Variants in ZEB1 observed in about 807,000 individuals in gnomAD.
ZEB1 encodes the protein zinc finger E-box binding homeobox 1.
A neutral mutation model predicts 84.9 loss-of-function variants in ZEB1; 21 were observed. That is an observed-to-expected ratio of 0.25 (90% CI 0.18 to 0.36). The LOEUF is 0.36. Ranked by LOEUF, ZEB1 falls within the 10% of genes least tolerant of loss-of-function variation. The pLI is 1.00. For synonymous variants in ZEB1, 420 were observed against 471.1 expected (o/e 0.89, Z 1.41); for missense variants, 1,104 against 1,330.2 (o/e 0.83, Z 2.65).
chr10:31,398,023 G>C (rs549019306), intron 1 of ZEB1, among the ~76,000 whole-genome samples: 127 of 152,246 alleles, frequency 8.3e-4, no homozygotes, highest in African/African-American at 3.0e-3. Flanking sequence ...CTAAAGTCTG[G>C]ATTTGAAAGT....
At chr10:31,440,230 A>T (rs1175875621) in intron 1 of ZEB1, among the ~76,000 whole-genome samples, 3 of 152,250 alleles carry the variant, frequency 2.0e-5, no homozygotes, top group Non-Finnish European at 4.4e-5. Flanking sequence ...AGACTGAGAG[A>T]CCAGGAATTG....
intron 1 of ZEB1, among the ~76,000 whole-genome samples, chr10:31,327,106 T>TC (rs943512099): frequency 2.1e-5 from 3 of 142,960 alleles, no homozygotes; most frequent in Non-Finnish European, 4.6e-5. Context: ...TTTCTTTTTT[T>TC]TTTTTTTTTT....
chr10:31,511,755 A>G (rs372255639), intron 5 of ZEB1, among the ~76,000 whole-genome samples: 1 of 152,184 alleles, frequency 6.6e-6, no homozygotes, highest in Non-Finnish European at 1.5e-5. Context: ...TGTACCTAAT[A>G]TGTGTCACAT....
chr10:31,363,192 C>A (rs905009597), intron 1 of ZEB1: 7 of 1,534,056 alleles, frequency 4.6e-6, no homozygotes, highest in Non-Finnish European at 6.1e-6. Context: ...GAGAGCTGGG[C>A]AGGTGGTCTT....
intron 1 of ZEB1, among the ~76,000 whole-genome samples, chr10:31,395,997 G>A (rs2050649264): frequency 6.6e-6 from 1 of 152,040 alleles, no homozygotes; most frequent in South Asian, 2.1e-4. Flanking sequence ...AGTTTATAGC[G>A]TTTTCTCTAG....
chr10:31,409,923 G>T (rs191803220), intron 1 of ZEB1, among the ~76,000 whole-genome samples: 1 of 152,202 alleles, frequency 6.6e-6, no homozygotes, highest in Admixed American at 6.5e-5. Flanking sequence ...AGACAATGAG[G>T]TTTTCTAAAT....
In ZEB1 at chr10:31,520,358, T is replaced by G. The variant is rs1486189097; in HGVS notation, c.1026T>G (p.Leu342=). 2.5e-6 allele frequency: 4 copies of G among 1,613,932 alleles called. No homozygotes were observed. Among genetic ancestry groups the G allele is most frequent in the Non-Finnish European group, 2.5e-6 (3 of 1,179,920 alleles). The part of the protein sequence containing the change: ...KIENKPLQEQ[L]SVNQIKTEPV... ...AGAATAAACCCCTTCAAGAACAACT[T>G]TCTGTTAACCAAATTAAAACTGAAC... The change falls in exon 7 of 9, where the codon CTT becomes CTG. Residue 342 remains leucine, a synonymous_variant. Coordinates refer to ENST00000424869, the MANE Select transcript of ZEB1 (RefSeq NM_001174096.2). The surrounding 1 kb of genome is among the most constrained non-coding windows in gnomAD (Gnocchi z 5.1).
chr10:31,409,739 T>C (rs1033480360), intron 1 of ZEB1, among the ~76,000 whole-genome samples: 1 of 152,228 alleles, frequency 6.6e-6, no homozygotes, highest in African/African-American at 2.4e-5. Context: ...CCCTTGTAAG[T>C]TGTATTCCTA....
At chr10:31,428,551 G>T (rs540777954) in intron 1 of ZEB1, among the ~76,000 whole-genome samples, 1 of 152,214 alleles carries the variant, frequency 6.6e-6, no homozygotes, top group Non-Finnish European at 1.5e-5. Context: ...TTTGGGTGGA[G>T]AGTTCTGTAA....
intron 1 of ZEB1, among the ~76,000 whole-genome samples, chr10:31,405,598 T>G (rs2052827493): frequency 6.6e-6 from 1 of 152,274 alleles, no homozygotes; most frequent in African/African-American, 2.4e-5. Flanking sequence ...ATTTAGAAAT[T>G]TATAAGCCCA....
chr10:31,353,988 T>C (rs777477220), intron 1 of ZEB1, among the ~76,000 whole-genome samples: 1 of 152,178 alleles, frequency 6.6e-6, no homozygotes, highest in Non-Finnish European at 1.5e-5. Flanking sequence ...AGAATGAGGA[T>C]AGACACAAAG....
intron 2 of ZEB1, among the ~76,000 whole-genome samples, chr10:31,494,497 A>G (rs943777218): frequency 6.6e-6 from 1 of 152,056 alleles, no homozygotes; most frequent in Non-Finnish European, 1.5e-5. Flanking sequence ...AATACATGCT[A>G]TAATGGGATG....
chr10:31,346,275 A>T (rs899402948), intron 1 of ZEB1, among the ~76,000 whole-genome samples: 25 of 152,150 alleles, frequency 1.6e-4, no homozygotes, highest in African/African-American at 6.0e-4. Flanking sequence ...GCTAACTTGG[A>T]TGTTTCAGCT....
chr10:31,345,469 T>C (rs1214926083), intron 1 of ZEB1, among the ~76,000 whole-genome samples: 1 of 152,146 alleles, frequency 6.6e-6, no homozygotes, highest in Admixed American at 6.6e-5. Flanking sequence ...AGATGCTAAG[T>C]GTTATGAGTT....
At chr10:31,352,247 G>T (rs981645498) in intron 1 of ZEB1, among the ~76,000 whole-genome samples, 1 of 152,090 alleles carries the variant, frequency 6.6e-6, no homozygotes, top group Non-Finnish European at 1.5e-5. Flanking sequence ...GATTTTAAGT[G>T]CTGAACCATG....
chr10:31,430,634 T>A (rs2057598943), intron 1 of ZEB1, among the ~76,000 whole-genome samples: 1 of 152,216 alleles, frequency 6.6e-6, no homozygotes, highest in East Asian at 1.9e-4. Context: ...CTACCACTGC[T>A]AATACAATGT....
intron 4 of ZEB1, among the ~76,000 whole-genome samples, chr10:31,508,529 C>T (rs1377318048): frequency 1.3e-5 from 2 of 152,092 alleles, no homozygotes; most frequent in Non-Finnish European, 2.9e-5. Context: ...AACCTCAGGC[C>T]TCCAGGAGGA....
chr10:31,362,760 T>C (rs2043534984), intron 1 of ZEB1: 1 of 618,494 alleles, frequency 1.6e-6, no homozygotes, highest in Non-Finnish European at 2.9e-6. Flanking sequence ...AATCTCTTGA[T>C]CTCCTGATCC....
At chr10:31,321,847 T>C in intron 1 of ZEB1, 1 of 367,654 alleles carries the variant, frequency 2.7e-6, no homozygotes, top group South Asian at 4.0e-5. Context: ...TGGCAACTTG[T>C]GCAGGTAGAA....
Sources: gnomAD v4.1 joint callset for allele counts (sites outside exome capture counted in the v4.1 genomes callset) on GRCh38, gnomAD v4.1.1 for gene constraint, Gnocchi (gnomAD v3.1) non-coding constraint, MANE v1.5 for transcripts, NCBI Gene and HGNC (gene_info 2026-07-23, HGNC 2026-07-21) for gene names.